APBB2: variants seen among roughly 807,000 people sequenced by gnomAD.
APBB2 encodes amyloid beta precursor protein binding family B member 2.
APBB2 carries 38 observed loss-of-function variants against 82.5 expected under a neutral mutation model. That is an observed-to-expected ratio of 0.46 (90% CI 0.36 to 0.60). The LOEUF is 0.60. APBB2 is among the 20% of genes least tolerant of loss of function. APBB2 has a pLI of 0.00. For synonymous variants in APBB2, 341 were observed against 368.2 expected, an observed-to-expected ratio of 0.93 and a Z score of 0.85; for missense variants, 772 against 972.3, an observed-to-expected ratio of 0.79 and a Z score of 2.74.
intron 1 of APBB2, among the ~76,000 whole-genome samples, chr4:41,168,885 A>AAGGAAG (rs1767456787): frequency 6.6e-6 from 1 of 152,166 alleles, no homozygotes; most frequent in Non-Finnish European, 1.5e-5. Flanking sequence ...AAGGAAAGGT[A>AAGGAAG]AGGAAGAGGA....
At chr4:40,897,013 A>T (rs1170147221) in intron 10 of APBB2, among the ~76,000 whole-genome samples, 1 of 152,218 alleles carries the variant, frequency 6.6e-6, no homozygotes, top group African/African-American at 2.4e-5. Context: ...CCAGCTGTCT[A>T]CTATAAAATC....
At chr4:41,040,584 G>A (rs1720962461) in intron 4 of APBB2, among the ~76,000 whole-genome samples, 1 of 152,170 alleles carries the variant, frequency 6.6e-6, no homozygotes, top group Non-Finnish European at 1.5e-5. Flanking sequence ...CCAGAGGCAA[G>A]TGATGGAGCT....
intron 4 of APBB2, among the ~76,000 whole-genome samples, chr4:41,049,406 C>T (rs1472201996): frequency 4.4e-5 from 6 of 135,384 alleles, no homozygotes; most frequent in South Asian, 4.9e-4. Flanking sequence ...CCCTCCCCTC[C>T]GGGAAGGAGA....
At chr4:40,903,509 G>A (rs1319585364) in intron 10 of APBB2, among the ~76,000 whole-genome samples, 1 of 152,100 alleles carries the variant, frequency 6.6e-6, no homozygotes, top group East Asian at 1.9e-4. Flanking sequence ...AACTGATTTT[G>A]ATGTAAGCCC....
intron 3 of APBB2, among the ~76,000 whole-genome samples, chr4:41,087,008 C>T (rs1579921032): frequency 6.6e-6 from 1 of 152,040 alleles, no homozygotes; most frequent in East Asian, 1.9e-4. Context: ...GGCATGGTGG[C>T]ATGTATCTAT....
At chr4:41,105,818 GGAGCTTGCGGT>G (rs1195638934) in intron 2 of APBB2, among the ~76,000 whole-genome samples, 1 of 151,504 alleles carries the variant, frequency 6.6e-6, no homozygotes, top group Non-Finnish European at 1.5e-5. Context: ...CCCGGGAGGC[GGAGCTTGCGGT>G]GAGCCCAGAT....
chr4:40,851,541 G>A (rs1426293516), intron 12 of APBB2, among the ~76,000 whole-genome samples: 1 of 151,920 alleles, frequency 6.6e-6, no homozygotes, highest in African/African-American at 2.4e-5. Context: ...ATTGTCAATT[G>A]TACTCTCGGC....
At chr4:40,985,068 C>A (rs1800055830) in intron 6 of APBB2, among the ~76,000 whole-genome samples, 1 of 151,930 alleles carries the variant, frequency 6.6e-6, no homozygotes, top group Admixed American at 6.6e-5. Context: ...CTACAAGGCA[C>A]CACCACACCC....
At chr4:41,167,309 A>G (rs2154050134) in intron 1 of APBB2, among the ~76,000 whole-genome samples, 1 of 152,246 alleles carries the variant, frequency 6.6e-6, no homozygotes, top group South Asian at 2.1e-4. Context: ...TTAAATCATG[A>G]ATCCTTCTCA....
At chr4:41,012,258 A>T (rs1325524466) in intron 6 of APBB2, among the ~76,000 whole-genome samples, 1 of 152,250 alleles carries the variant, frequency 6.6e-6, no homozygotes, top group African/African-American at 2.4e-5. Context: ...AGGTGTCAGT[A>T]AACGCCAAAC....
At chr4:41,051,789 G>C (rs1268644217) in intron 4 of APBB2, among the ~76,000 whole-genome samples, 1 of 151,978 alleles carries the variant, frequency 6.6e-6, no homozygotes, top group Non-Finnish European at 1.5e-5. Flanking sequence ...ACATATACAC[G>C]CTCCAAGCTA....
intron 12 of APBB2, among the ~76,000 whole-genome samples, chr4:40,873,913 C>T (rs1460642171): frequency 1.3e-5 from 2 of 152,178 alleles, no homozygotes; most frequent in Admixed American, 6.5e-5. Context: ...GTATTTTATA[C>T]ACTCATTGGT....
chr4:41,153,455 T>G (rs1762753832), intron 1 of APBB2, among the ~76,000 whole-genome samples: 1 of 152,180 alleles, frequency 6.6e-6, no homozygotes, highest in South Asian at 2.1e-4. Context: ...CACCCAAATC[T>G]GCAACCCAAA....
chr4:40,993,679 G>A (rs1802814803), intron 6 of APBB2, among the ~76,000 whole-genome samples: 1 of 151,906 alleles, frequency 6.6e-6, no homozygotes, highest in South Asian at 2.1e-4. Context: ...AAGCCATCAT[G>A]CCTGGCCACT....
At chr4:41,057,513 T>C (rs1197227142) in intron 4 of APBB2, among the ~76,000 whole-genome samples, 7 of 152,092 alleles carry the variant, frequency 4.6e-5, no homozygotes, top group Non-Finnish European at 1.0e-4. Context: ...TCTTAGTATA[T>C]ATTCATAACA....
At chr4:40,819,968 C>T (rs989159728) in intron 17 of APBB2, among the ~76,000 whole-genome samples, 5 of 152,302 alleles carry the variant, frequency 3.3e-5, no homozygotes, top group African/African-American at 9.6e-5. Context: ...TGTGCCACCA[C>T]GCCCGGCTGA....
At chr4:40,837,200 G>T (rs1240218129) in intron 12 of APBB2, among the ~76,000 whole-genome samples, 1 of 152,018 alleles carries the variant, frequency 6.6e-6, no homozygotes, top group East Asian at 1.9e-4. Flanking sequence ...AGTGTGTCGG[G>T]TGCCACATGG....
In APBB2 at chr4:41,008,188, T is replaced by C. The variant is rs147347419; in HGVS notation, c.835+5395A>G. Among the ~76,000 whole-genome samples, 39 of 152,270 alleles carry C rather than the reference T, an allele frequency of 2.6e-4. 1 individual carries two copies. In the East Asian group the frequency reaches 6.9e-3, roughly 27 times the overall value. The stretch of plus-strand genomic sequence containing the variant: ...CTGGAGCTGTGTCGGAAAACCTAGG[T>C]TCAAGTCTCAGCATGGCCACCTGAG... On this transcript the variant is annotated intron_variant, in intron 6 of 17. Coordinates refer to ENST00000508593, the MANE Select transcript of APBB2 (RefSeq NM_004307.2).
intron 6 of APBB2, among the ~76,000 whole-genome samples, chr4:41,007,053 T>G (rs776692750): frequency 4.1e-4 from 62 of 152,266 alleles, no homozygotes; most frequent in South Asian, 8.3e-4. Flanking sequence ...GGATTCAAAC[T>G]CTAAAGCAAC....
Sources: gnomAD v4.1 joint callset for allele counts (sites outside exome capture counted in the v4.1 genomes callset) on GRCh38, gnomAD v4.1.1 for gene constraint, MANE v1.5 for transcripts, NCBI Gene and HGNC (gene_info 2026-07-23, HGNC 2026-07-21) for gene names.